The following SPACA1 variants were observed in gnomAD, a reference collection of about 807,000 sequenced individuals.
The protein encoded by SPACA1 is sperm acrosome membrane-associated protein 1.
SPACA1 carries 17 observed loss-of-function variants against 32.6 expected under a neutral mutation model. That is an observed-to-expected ratio of 0.52 (90% confidence interval 0.36 to 0.78). SPACA1 has a LOEUF of 0.78. Among genes scored for constraint, SPACA1 ranks in the 30% least tolerant of loss-of-function variants. The probability of loss-of-function intolerance (pLI) is 0.01; values close to 1 mark genes in which losing one functional copy is unlikely to be tolerated. For missense variants in SPACA1, 363 were observed against 373.4 expected (o/e 0.97, Z 0.23); for synonymous variants, 140 against 138.1 (o/e 1.01, Z -0.10).
At chr6:88,057,854 T>C (rs935458152) in intron 3 of SPACA1, 141 bp downstream of exon 3, 1 of 648,192 alleles carries the variant, frequency 1.5e-6, no homozygotes, top group Non-Finnish European at 2.7e-6. Flanking sequence ...TAAATTCCAC[T>C]TCTTCAAACA....
intron 2 of SPACA1, among the ~76,000 whole-genome samples, chr6:88,057,343 C>T (rs1262356840): frequency 6.6e-6 from 1 of 152,162 alleles, no homozygotes; most frequent in Non-Finnish European, 1.5e-5. Flanking sequence ...TTTGATGTAA[C>T]ATTTTCAAAT....
At chr6:88,065,209 ATATG>A (rs1775961529) in intron 6 of SPACA1, among the ~76,000 whole-genome samples, 1 of 148,790 alleles carries the variant, frequency 6.7e-6, no homozygotes, top group Non-Finnish European at 1.5e-5. Flanking sequence ...ACATATACAT[ATATG>A]TATGTATGTG....
chr6:88,062,532 A>G (rs994201828), intron 5 of SPACA1, among the ~76,000 whole-genome samples: 4 of 152,182 alleles, frequency 2.6e-5, no homozygotes, highest in Admixed American at 2.6e-4. Context: ...TTCTATGTTA[A>G]TTGGCTTTTT....
intron 2 of SPACA1, 99 bp from the exon 3 acceptor site, chr6:88,057,513 T>C: frequency 1.4e-6 from 1 of 723,504 alleles, no homozygotes; most frequent in Non-Finnish European, 2.2e-6. Flanking sequence ...TTTCTGAAAT[T>C]AGAAGAAAAG....
chr6:88,046,903 T>C (rs1375803355), upstream of SPACA1, among the ~76,000 whole-genome samples: 2 of 152,204 alleles, frequency 1.3e-5, no homozygotes, highest in African/African-American at 4.8e-5. Flanking sequence ...GTTAGTCTGC[T>C]GAGACTAGAT....
chr6:88,064,401 G>A, intron 6 of SPACA1, 182 bp downstream of exon 6: 2 of 423,418 alleles, frequency 4.7e-6, no homozygotes, highest in Non-Finnish European at 8.1e-6. Context: ...TTATGTAGAT[G>A]CTTTTTAAAA....
intron 2 of SPACA1, among the ~76,000 whole-genome samples, chr6:88,055,116 A>G (rs1335382347): frequency 1.3e-5 from 2 of 152,048 alleles, no homozygotes; most frequent in Non-Finnish European, 2.9e-5. Flanking sequence ...TAAGCCTGCA[A>G]TTACTTATTT....
intron 1 of SPACA1, among the ~76,000 whole-genome samples, chr6:88,048,406 G>A (rs771059476): frequency 4.1e-4 from 63 of 152,096 alleles, no homozygotes; most frequent in Non-Finnish European, 8.1e-4. Context: ...GTGGGAGGTA[G>A]CCTTCCAACA....
At chr6:88,057,525 C>G in intron 2 of SPACA1, 87 bp from the exon 3 acceptor site, 1 of 834,410 alleles carries the variant, frequency 1.2e-6, no homozygotes, top group South Asian at 1.8e-5. Context: ...GAAGAAAAGT[C>G]TTAAGAAAAG....
At chr6:88,058,202 G>A (rs1775839066) in intron 3 of SPACA1, among the ~76,000 whole-genome samples, 1 of 152,178 alleles carries the variant, frequency 6.6e-6, no homozygotes, top group Admixed American at 6.5e-5. Flanking sequence ...AACTTATTCT[G>A]CATAAGGAGC....
At chr6:88,057,164 T>G (rs1479726742) in intron 2 of SPACA1, among the ~76,000 whole-genome samples, 1 of 152,232 alleles carries the variant, frequency 6.6e-6, no homozygotes, top group Non-Finnish European at 1.5e-5. Context: ...GGAAAAATAC[T>G]GCCAATTAAT....
intron 6 of SPACA1, 76 bp from the exon 7 acceptor site, chr6:88,066,106 C>G: frequency 1.8e-6 from 2 of 1,128,804 alleles, no homozygotes; most frequent in Non-Finnish European, 2.5e-6. Flanking sequence ...TATTTCTATA[C>G]ATAGAAAATA....
At chr6:88,058,384 C>A (rs1350357445) in intron 3 of SPACA1, among the ~76,000 whole-genome samples, 1 of 152,184 alleles carries the variant, frequency 6.6e-6, no homozygotes, top group Non-Finnish European at 1.5e-5. Flanking sequence ...CACCTGTAAT[C>A]TTAGCACTTT....
intron 3 of SPACA1, 76 bp downstream of exon 3, chr6:88,057,789 C>A: frequency 2.4e-6 from 3 of 1,268,448 alleles, no homozygotes; most frequent in Non-Finnish European, 3.4e-6. Context: ...CCTCAGGTTG[C>A]CACTGAGTAG....
chr6:88,054,050 G>A, intron 2 of SPACA1, 48 bp downstream of exon 2: 1 of 1,569,930 alleles, frequency 6.4e-7, no homozygotes, highest in Non-Finnish European at 8.8e-7. Context: ...ATTTGCGGGG[G>A]AGGAAAGGTA....
At chr6:88,061,453 C>G (rs909826090) in intron 5 of SPACA1, among the ~76,000 whole-genome samples, 9 of 151,874 alleles carry the variant, frequency 5.9e-5, no homozygotes, top group Non-Finnish European at 1.3e-4. Context: ...CACACACACA[C>G]ACACACAAAC....
intron 3 of SPACA1, among the ~76,000 whole-genome samples, chr6:88,058,074 C>CCATATCACATTATGCTGTTCTGAGAA: frequency 1.3e-5 from 2 of 152,232 alleles, no homozygotes; most frequent in South Asian, 4.2e-4. Context: ...GACAGCTGTT[C>CCATATCACATTATGCTGTTCTGAGAA]CATATCACAT....
At position 88,059,449 on chromosome 6, in the gene SPACA1, A is replaced by C. The variant is rs1174962762; in HGVS notation, c.475-4A>C. 1.9e-6 allele frequency: 3 copies of C among 1,588,576 alleles called. No homozygotes were observed. Among genetic ancestry groups the C allele is most frequent in the Non-Finnish European group, 2.6e-6 (3 of 1,170,434 alleles). Reference sequence around the variant, plus strand: ...TACTTTGTTATTTTTTTCTTTTTAAATAGCAATCCATTATACTTGTAAATG... The same window carrying C: ...TACTTTGTTATTTTTTTCTTTTTAACTAGCAATCCATTATACTTGTAAATG... On this transcript the variant is annotated splice_polypyrimidine_tract_variant and splice_region_variant and intron_variant, in intron 4 of 6. Coordinates refer to ENST00000237201, the MANE Select transcript of SPACA1 (RefSeq NM_030960.3).
intron 4 of SPACA1, 40 bp downstream of exon 4, chr6:88,058,862 G>A: frequency 7.2e-7 from 1 of 1,387,178 alleles, no homozygotes; most frequent in Non-Finnish European, 9.9e-7. Context: ...TTTCTAGTGA[G>A]TGATAAAATT....
Sources: gnomAD v4.1 joint callset for allele counts (sites outside exome capture counted in the v4.1 genomes callset) on GRCh38, gnomAD v4.1.1 for gene constraint, MANE v1.5 for transcripts, NCBI Gene and HGNC (gene_info 2026-07-23, HGNC 2026-07-21) for gene names.